The following SLIT2 variants were observed in gnomAD, a reference collection of about 807,000 sequenced individuals.
SLIT2 encodes slit homolog 2 protein.
In SLIT2, 41 loss-of-function variants were observed where a neutral mutation model predicts 185.7. That is an observed-to-expected ratio of 0.22 (90% CI 0.17 to 0.29). SLIT2 has a LOEUF of 0.29. Among genes scored for constraint, SLIT2 ranks in the 10% least tolerant of loss-of-function variants. The probability of loss-of-function intolerance (pLI) is 1.00; values close to 1 mark genes in which losing one functional copy is unlikely to be tolerated. For missense variants in SLIT2, 1,571 were observed against 1,909.0 expected, an observed-to-expected ratio of 0.82 and a Z score of 3.30; for synonymous variants, 693 against 680.2, an observed-to-expected ratio of 1.02 and a Z score of -0.29.
chr4:20,289,251 A>G (rs995673237), intron 4 of SLIT2, among the ~76,000 whole-genome samples: 15 of 152,298 alleles, frequency 9.8e-5, no homozygotes, highest in African/African-American at 3.6e-4. Flanking sequence ...GGAACCTCTT[A>G]GAATTTGGTT....
chr4:20,576,805 G>A lies in SLIT2; in HGVS notation c.3088+7801G>A, dbSNP rs1726119685. On this transcript the variant is annotated intron_variant, in intron 29 of 36. Transcript: ENST00000504154. The stretch of plus-strand genomic sequence containing the variant: ...CCATTGAGCCCAGAACAACAATTTA[G>A]CCTAAGCAAGTCTTATTCAATCTAA... Among the ~76,000 whole-genome samples, 3 of 152,240 alleles carry A rather than the reference G, an allele frequency of 2.0e-5. No individual in the cohort carries two copies. In the South Asian group the frequency reaches 6.2e-4, roughly 32 times the overall value.
rs536180748 is a variant in SLIT2, at chr4:20,611,408, T to A, written c.3847+1241T>A. On this transcript the variant is annotated intron_variant, in intron 34 of 36. Transcript: ENST00000504154. Reference sequence around the variant, plus strand: ...TGAGTACTTACCACATACTAGGAACTAAGTAAATGGATACATAAAGGATAT... The same window carrying A: ...TGAGTACTTACCACATACTAGGAACAAAGTAAATGGATACATAAAGGATAT... 2.6e-5 allele frequency among the ~76,000 whole-genome samples: 4 copies of A among 152,318 alleles called. No individual in the cohort carries two copies. The East Asian group carries it at 7.7e-4, about 29-fold the overall frequency.
At chr4:20,447,051 G>A (rs139733443) in intron 4 of SLIT2, among the ~76,000 whole-genome samples, 62 of 152,296 alleles carry the variant, frequency 4.1e-4, no homozygotes, top group African/African-American at 1.4e-3. Flanking sequence ...ACAGAAGAGT[G>A]GCCCTGATCA....
intron 4 of SLIT2, among the ~76,000 whole-genome samples, chr4:20,277,536 T>A (rs73104789): frequency 0.012 from 1,746 of 151,752 alleles, 32 homozygotes; most frequent in African/African-American, 0.039. Flanking sequence ...TACTGATTAG[T>A]TTATCTTAAG....
chr4:20,418,660 A>G (rs951075744), intron 4 of SLIT2, among the ~76,000 whole-genome samples: 1 of 152,214 alleles, frequency 6.6e-6, no homozygotes, highest in African/African-American at 2.4e-5. Flanking sequence ...TTTTAAATTA[A>G]TACCTGGGAA....
intron 4 of SLIT2, among the ~76,000 whole-genome samples, chr4:20,420,482 T>C (rs1728089757): frequency 6.6e-6 from 1 of 152,120 alleles, no homozygotes; most frequent in Non-Finnish European, 1.5e-5. Flanking sequence ...CTGAAAATAA[T>C]ATATTTTATT....
At chr4:20,509,303 AC>A (rs1349012330) in intron 9 of SLIT2, among the ~76,000 whole-genome samples, 1 of 152,016 alleles carries the variant, frequency 6.6e-6, no homozygotes, top group Non-Finnish European at 1.5e-5. Context: ...TAGAGAATAG[AC>A]TGAACAGTTG....
intron 29 of SLIT2, among the ~76,000 whole-genome samples, chr4:20,584,536 G>A (rs1184452681): frequency 1.3e-5 from 2 of 152,196 alleles, no homozygotes; most frequent in Non-Finnish European, 2.9e-5. Flanking sequence ...GAATGAATGG[G>A]CACATTACCA....
chr4:20,313,968 G>T (rs568716979), intron 4 of SLIT2, among the ~76,000 whole-genome samples: 22 of 152,256 alleles, frequency 1.4e-4, no homozygotes, highest in African/African-American at 5.1e-4. Context: ...TATTTTTAAG[G>T]TTACAAAGAT....
intron 15 of SLIT2, among the ~76,000 whole-genome samples, 193 bp downstream of exon 15, chr4:20,525,365 A>ATG (rs959603723): frequency 2.6e-5 from 4 of 151,310 alleles, no homozygotes; most frequent in East Asian, 1.9e-4. Flanking sequence ...TGTTAAACAT[A>ATG]TATTATTAAA....
intron 4 of SLIT2, among the ~76,000 whole-genome samples, chr4:20,375,996 G>A (rs1723983771): frequency 6.7e-6 from 1 of 150,346 alleles, no homozygotes; most frequent in Non-Finnish European, 1.5e-5. Flanking sequence ...TACATTTAGA[G>A]ATTTAGGAAT....
rs770247769 is a variant in SLIT2 at position 20,524,088 on chromosome 4, T to C, written c.1349T>C (p.Ile450Thr). 23 of 1,614,166 alleles carry C rather than the reference T, an allele frequency of 1.4e-5. No homozygotes were observed. The Admixed American group carries it at 2.2e-4, about 15-fold the overall frequency. Residue 450 changes from isoleucine to threonine, a missense_variant, in exon 14 of 37, where the codon ATT becomes ACT. Ile to Thr is a moderately conservative substitution (Grantham distance 89, BLOSUM62 -1). Around this residue, in one of 3 missense-constraint regions of SLIT2, gnomAD observed 1,202 missense variants for 1,416.4 expected, o/e 0.85. Coordinates refer to ENST00000504154, the MANE Select transcript of SLIT2 (RefSeq NM_004787.4). ...WLADYLHTNP[I>T]ETSGARCTSP... The stretch of plus-strand genomic sequence containing the variant: ...GCGGATTATCTCCATACCAACCCGA[T>C]TGAGACCAGTGGTGCCCGTTGCACC...
At chr4:20,373,127 G>A (rs1356828405) in intron 4 of SLIT2, among the ~76,000 whole-genome samples, 1 of 151,986 alleles carries the variant, frequency 6.6e-6, no homozygotes, top group Non-Finnish European at 1.5e-5. Context: ...CACTTCCCAT[G>A]GCATTTCAGA....
rs1354224843 is a variant in SLIT2 at position 20,360,257 on chromosome 4, G to A, written c.395+91376G>A. Among the ~76,000 whole-genome samples, 4 of 152,066 alleles carry A rather than the reference G, an allele frequency of 2.6e-5. No homozygotes were observed. The East Asian group carries it at 5.8e-4, about 22-fold the overall frequency. ...CCCTTTTTAATTTTCTTTCTGCCCT[G>A]TAAAAAGCTGAATAGAGGAATGCTT... is the stretch of plus-strand genomic sequence containing the variant. On this transcript the variant is annotated intron_variant, in intron 4 of 36. Coordinates refer to ENST00000504154, the MANE Select transcript of SLIT2 (RefSeq NM_004787.4).
At chr4:20,279,673 G>A (rs1437753425) in intron 4 of SLIT2, among the ~76,000 whole-genome samples, 1 of 152,124 alleles carries the variant, frequency 6.6e-6, no homozygotes, top group East Asian at 1.9e-4. Flanking sequence ...GTTTCTTATG[G>A]AAGTGATGTG....
chr4:20,407,201 G>A (rs1300364578), intron 4 of SLIT2, among the ~76,000 whole-genome samples: 7 of 152,026 alleles, frequency 4.6e-5, no homozygotes, highest in Admixed American at 3.3e-4. Context: ...TTGTTTTCTT[G>A]CTGCAAAAAC....
intron 5 of SLIT2, among the ~76,000 whole-genome samples, chr4:20,472,312 A>ATC (rs1261710471): frequency 7.9e-5 from 2 of 25,232 alleles, no homozygotes; most frequent in African/African-American, 4.6e-4. Context: ...AGATCTATAT[A>ATC]TAGATATATA....
Position 20,257,923 on chromosome 4 carries a change from A to G in SLIT2, c.307A>G (p.Lys103Glu). 2.6e-6 allele frequency: 4 copies of G among 1,536,350 alleles called. No individual in the cohort carries two copies. The highest frequency in any genetic ancestry group is 3.6e-6 in the Non-Finnish European group (4 of 1,112,546). The stretch of plus-strand genomic sequence containing the variant: ...TGAAAGAGGAGCATTCCAGGATCTT[A>G]AAGAACTAGAGAGACTGTAAGTATT... ...TIERGAFQDL[K>E]ELERLRLNRN... The change falls in exon 3 of 37, where the codon AAA becomes GAA. Residue 103 changes from lysine to glutamate, a missense_variant. Coordinates refer to ENST00000504154, the MANE Select transcript of SLIT2 (RefSeq NM_004787.4).
At chr4:20,540,195 G>A (rs1042157607) in intron 19 of SLIT2, among the ~76,000 whole-genome samples, 29 of 152,006 alleles carry the variant, frequency 1.9e-4, no homozygotes, top group African/African-American at 5.6e-4. Context: ...GGGTGAGGCA[G>A]GAGAATTGCT....
Sources: gnomAD v4.1 joint callset for allele counts (sites outside exome capture counted in the v4.1 genomes callset) on GRCh38, gnomAD v4.1.1 for gene constraint, gnomAD v4.1.1 regional missense constraint, MANE v1.5 for transcripts, NCBI Gene and HGNC (gene_info 2026-07-23, HGNC 2026-07-21) for gene names.